Variants in MDGA2 observed in about 807,000 individuals in gnomAD.
MDGA2 encodes the protein MAM domain-containing glycosylphosphatidylinositol anchor protein 2.
A neutral mutation model predicts 117.8 loss-of-function variants in MDGA2; 40 were observed. The observed-to-expected ratio is 0.34, with a 90% CI of 0.26 to 0.44. The LOEUF (loss-of-function observed/expected upper bound fraction) is 0.44. MDGA2 is among the 20% of genes least tolerant of loss of function. The pLI is 1.00. For synonymous variants in MDGA2, 452 were observed against 439.0 expected (o/e 1.03, Z -0.37); for missense variants, 1,123 against 1,250.6 (o/e 0.90, Z 1.54).
At chr14:46,945,873 T>G (rs1595061461) in intron 9 of MDGA2, among the ~76,000 whole-genome samples, 1 of 152,190 alleles carries the variant, frequency 6.6e-6, no homozygotes, top group African/African-American at 2.4e-5. Flanking sequence ...CCATTAGTAT[T>G]TTCCAGATAA....
chr14:47,046,829 G>C (rs187584336), intron 7 of MDGA2, among the ~76,000 whole-genome samples: 1 of 152,044 alleles, frequency 6.6e-6, no homozygotes, highest in Non-Finnish European at 1.5e-5. Context: ...TAATATATTT[G>C]CATCCTTGCC....
chr14:46,847,066 A>G (rs1409845069), intron 15 of MDGA2, among the ~76,000 whole-genome samples: 1 of 152,078 alleles, frequency 6.6e-6, no homozygotes, highest in Admixed American at 6.6e-5. Flanking sequence ...TGATTTTGAG[A>G]GAACTTAGGC....
At chr14:47,082,526 G>C (rs1291451176) in intron 6 of MDGA2, among the ~76,000 whole-genome samples, 1 of 152,010 alleles carries the variant, frequency 6.6e-6, no homozygotes, top group Admixed American at 6.6e-5. Context: ...GCATTAACAA[G>C]CCAGTCTTCA....
intron 2 of MDGA2, among the ~76,000 whole-genome samples, chr14:47,233,662 T>C (rs1886763598): frequency 1.3e-5 from 2 of 152,102 alleles, no homozygotes; most frequent in African/African-American, 2.4e-5. Context: ...GATGTTACTA[T>C]AGAAAATTTT....
intron 3 of MDGA2, chr14:47,200,530 T>TTTTC: frequency 4.9e-6 from 3 of 611,704 alleles, no homozygotes; most frequent in Non-Finnish European, 5.0e-6. Context: ...TTTCTTTTTC[T>TTTTC]TTTCTTTTTT....
intron 3 of MDGA2, among the ~76,000 whole-genome samples, chr14:47,208,866 C>G (rs549909331): frequency 3.3e-5 from 5 of 152,056 alleles, no homozygotes; most frequent in African/African-American, 1.2e-4. Flanking sequence ...TAAAAGATCT[C>G]TTGGTAACAA....
intron 1 of MDGA2, among the ~76,000 whole-genome samples, chr14:47,549,130 C>A (rs1182697449): frequency 1.3e-5 from 2 of 152,040 alleles, no homozygotes; most frequent in African/African-American, 4.8e-5. Flanking sequence ...ATGGATGATA[C>A]CCTGCTGGTT....
At chr14:46,907,232 C>G (rs1223422335) in intron 10 of MDGA2, among the ~76,000 whole-genome samples, 1 of 152,114 alleles carries the variant, frequency 6.6e-6, no homozygotes, top group African/African-American at 2.4e-5. Flanking sequence ...CCTGCCTTGG[C>G]CTCCCAAAGT....
chr14:47,045,058 A>C (rs1214603280), intron 7 of MDGA2, among the ~76,000 whole-genome samples: 1 of 152,218 alleles, frequency 6.6e-6, no homozygotes, highest in African/African-American at 2.4e-5. Context: ...TTGCTATGGC[A>C]TAAGAATAGT....
chr14:47,523,769 C>G (rs1894918274), intron 1 of MDGA2, among the ~76,000 whole-genome samples: 2 of 152,130 alleles, frequency 1.3e-5, no homozygotes, highest in African/African-American at 4.8e-5. Flanking sequence ...ACGATCACAA[C>G]AGAGATATCT....
At chr14:47,398,072 A>G (rs1252254349) in intron 1 of MDGA2, among the ~76,000 whole-genome samples, 1 of 152,150 alleles carries the variant, frequency 6.6e-6, no homozygotes, top group Non-Finnish European at 1.5e-5. Context: ...AGGCACCATA[A>G]AATGAAATGA....
chr14:47,225,647 C>T (rs1886463911), intron 2 of MDGA2, among the ~76,000 whole-genome samples: 1 of 150,336 alleles, frequency 6.7e-6, no homozygotes, highest in South Asian at 2.1e-4. Flanking sequence ...GAACATCACA[C>T]TCTGGGGACT....
At chr14:46,943,023 T>G (rs1885053519) in intron 9 of MDGA2, among the ~76,000 whole-genome samples, 1 of 152,090 alleles carries the variant, frequency 6.6e-6, no homozygotes, top group African/African-American at 2.4e-5. Flanking sequence ...TATGGAATAG[T>G]GTGTTACTCC....
chr14:47,535,458 G>C (rs1451813683), intron 1 of MDGA2, among the ~76,000 whole-genome samples: 1 of 152,210 alleles, frequency 6.6e-6, no homozygotes, highest in Non-Finnish European at 1.5e-5. Flanking sequence ...GGCTGCTTTT[G>C]TGAAAGACTT....
chr14:47,421,906 T>C (rs1003808709), intron 1 of MDGA2, among the ~76,000 whole-genome samples: 20 of 152,178 alleles, frequency 1.3e-4, no homozygotes, highest in African/African-American at 4.8e-4. Context: ...GTGTTGACTT[T>C]TAAATTCATT....
chr14:47,379,668 C>G (rs1209916439), intron 1 of MDGA2, among the ~76,000 whole-genome samples: 2 of 152,272 alleles, frequency 1.3e-5, no homozygotes, highest in South Asian at 2.1e-4. Flanking sequence ...ACGAGAAGAG[C>G]TAACTATCCT....
chr14:47,162,601 A>G (rs1447649897), intron 3 of MDGA2, among the ~76,000 whole-genome samples: 1 of 152,034 alleles, frequency 6.6e-6, no homozygotes, highest in Non-Finnish European at 1.5e-5. Flanking sequence ...CTGATTCAGT[A>G]TGAGTTCAGG....
intron 3 of MDGA2, among the ~76,000 whole-genome samples, chr14:47,146,027 T>A (rs1365551639): frequency 6.6e-6 from 1 of 152,122 alleles, no homozygotes; most frequent in African/African-American, 2.4e-5. Context: ...ACCTACAGTA[T>A]TTATATGGAC....
chr14:47,236,244 T>C (rs1291762268), intron 2 of MDGA2, among the ~76,000 whole-genome samples: 1 of 137,926 alleles, frequency 7.3e-6, no homozygotes, highest in Non-Finnish European at 1.5e-5. Context: ...TGAGCCGAGA[T>C]TGGGCCACTG....
Sources: gnomAD v4.1 joint callset for allele counts (sites outside exome capture counted in the v4.1 genomes callset) on GRCh38, gnomAD v4.1.1 for gene constraint, MANE v1.5 for transcripts, NCBI Gene and HGNC (gene_info 2026-07-23, HGNC 2026-07-21) for gene names.